ADAMTSL1: variants seen among roughly 807,000 people sequenced by gnomAD.
The protein encoded by ADAMTSL1 is ADAMTS-like protein 1.
In ADAMTSL1, 126 loss-of-function variants were observed where a neutral mutation model predicts 201.8. The observed-to-expected ratio is 0.62, with a 90% confidence interval of 0.54 to 0.72. ADAMTSL1 has a LOEUF of 0.72. ADAMTSL1 is among the 30% of genes least tolerant of loss of function. The pLI is 0.00. For missense variants in ADAMTSL1, 2,679 were observed against 2,277.8 expected, an observed-to-expected ratio of 1.18 and a Z score of -3.59; for synonymous variants, 1,121 against 903.4, an observed-to-expected ratio of 1.24 and a Z score of -4.32.
chr9:18,157,392 C>G (rs1827202069), intron 1 of ADAMTSL1, among the ~76,000 whole-genome samples: 1 of 151,812 alleles, frequency 6.6e-6, no homozygotes, highest in South Asian at 2.1e-4. Context: ...AGTAGGTATG[C>G]CTTTAAACAT....
At chr9:18,675,202 T>C (rs144165660) in intron 9 of ADAMTSL1, among the ~76,000 whole-genome samples, 1 of 152,310 alleles carries the variant, frequency 6.6e-6, no homozygotes, top group African/African-American at 2.4e-5. Context: ...AAACCCACTT[T>C]TCATAATATC....
intron 1 of ADAMTSL1, among the ~76,000 whole-genome samples, chr9:17,958,929 G>T (rs1588478064): frequency 6.6e-6 from 1 of 152,140 alleles, no homozygotes; most frequent in African/African-American, 2.4e-5. Context: ...CTTAAATCAA[G>T]ACCCTGTAAG....
chr9:18,182,188 A>G (rs1274512823), intron 2 of ADAMTSL1, among the ~76,000 whole-genome samples: 8 of 151,872 alleles, frequency 5.3e-5, no homozygotes, highest in East Asian at 2.0e-4. Flanking sequence ...ACGTAATGCT[A>G]GATGACGAGT....
intron 4 of ADAMTSL1, among the ~76,000 whole-genome samples, chr9:18,581,254 C>T (rs902911013): frequency 1.3e-5 from 2 of 152,146 alleles, no homozygotes; most frequent in Non-Finnish European, 2.9e-5. Context: ...TTCACCTCTT[C>T]TTATAAGGAC....
At chr9:18,281,074 C>A (rs1024582464) in intron 2 of ADAMTSL1, among the ~76,000 whole-genome samples, 5 of 152,048 alleles carry the variant, frequency 3.3e-5, no homozygotes, top group African/African-American at 1.2e-4. Flanking sequence ...GACAGGTGTT[C>A]TGTGTGGGAG....
intron 2 of ADAMTSL1, among the ~76,000 whole-genome samples, chr9:18,195,008 A>AAGAATGC: frequency 6.6e-6 from 1 of 152,254 alleles, no homozygotes; most frequent in East Asian, 1.9e-4. Flanking sequence ...AAAGACTAGT[A>AAGAATGC]ATCAGTCCTT....
chr9:18,543,664 T>A (rs1204030240), intron 3 of ADAMTSL1, among the ~76,000 whole-genome samples: 4 of 152,196 alleles, frequency 2.6e-5, no homozygotes, highest in African/African-American at 7.2e-5. Flanking sequence ...CCTCATATTT[T>A]ATGACTAACT....
rs1827570369 is a variant in ADAMTSL1, at chr9:18,866,883, T to C, written c.4250-20948T>C. 2.6e-5 allele frequency among the ~76,000 whole-genome samples: 4 copies of C among 152,210 alleles called. No homozygotes were observed. In the South Asian group the frequency reaches 8.3e-4, roughly 32 times the overall value. On this transcript the variant is annotated intron_variant, in intron 23 of 28. Transcript: ENST00000380548. Reference sequence around the variant, plus strand: ...TAATCTCCTCTTGCTCTGACATCTCTGGAGTGTTGCCCTTATCCACCTAGG... The same window carrying C: ...TAATCTCCTCTTGCTCTGACATCTCCGGAGTGTTGCCCTTATCCACCTAGG...
chr9:18,470,780 A>G (rs1264959886), upstream of ADAMTSL1, among the ~76,000 whole-genome samples: 3 of 152,196 alleles, frequency 2.0e-5, no homozygotes, highest in African/African-American at 7.2e-5. Context: ...GTGTCTTTTC[A>G]ATTAAGTATT....
intron 2 of ADAMTSL1, among the ~76,000 whole-genome samples, chr9:18,419,687 G>A (rs1470432859): frequency 6.6e-6 from 1 of 150,416 alleles, no homozygotes; most frequent in Non-Finnish European, 1.5e-5. Flanking sequence ...AGTGAAAGAA[G>A]TCAATGTCAA....
chr9:18,070,797 T>C (rs1486125831), intron 1 of ADAMTSL1, among the ~76,000 whole-genome samples: 1 of 152,094 alleles, frequency 6.6e-6, no homozygotes, highest in Non-Finnish European at 1.5e-5. Flanking sequence ...GTGGAGATGA[T>C]GCAGGATGGG....
intron 9 of ADAMTSL1, among the ~76,000 whole-genome samples, chr9:18,666,554 C>A (rs73644652): frequency 0.023 from 3,539 of 152,202 alleles, 122 homozygotes; most frequent in African/African-American, 0.08. Flanking sequence ...GTATGCTTTC[C>A]CATGTGACTA....
chr9:18,537,635 G>T (rs758166147), intron 3 of ADAMTSL1, among the ~76,000 whole-genome samples: 37 of 152,206 alleles, frequency 2.4e-4, no homozygotes, highest in Non-Finnish European at 4.4e-4. Context: ...TTTGGGGGTG[G>T]AGGGGTGAGG....
intron 1 of ADAMTSL1, among the ~76,000 whole-genome samples, chr9:17,982,416 C>T (rs1017011879): frequency 3.3e-5 from 5 of 152,068 alleles, no homozygotes; most frequent in Non-Finnish European, 7.4e-5. Context: ...AGTTCGAGAC[C>T]AGGCTGGCCA....
intron 2 of ADAMTSL1, among the ~76,000 whole-genome samples, chr9:18,169,194 C>T (rs1265222219): frequency 6.6e-6 from 1 of 151,756 alleles, no homozygotes; most frequent in Non-Finnish European, 1.5e-5. Context: ...GTATGAAGTC[C>T]TTGCCCATGC....
intron 2 of ADAMTSL1, among the ~76,000 whole-genome samples, chr9:18,269,201 C>T (rs1656184070): frequency 6.6e-6 from 1 of 152,084 alleles, no homozygotes; most frequent in Non-Finnish European, 1.5e-5. Context: ...TTTGTAGACT[C>T]TTGCTTCATA....
At chr9:18,441,734 G>C (rs889491148) in intron 2 of ADAMTSL1, among the ~76,000 whole-genome samples, 16 of 151,990 alleles carry the variant, frequency 1.1e-4, no homozygotes, top group Non-Finnish European at 2.2e-4. Flanking sequence ...TTAAATATGT[G>C]TGTCCCAGGA....
At chr9:18,430,560 T>C (rs1424898166) in intron 2 of ADAMTSL1, among the ~76,000 whole-genome samples, 2 of 152,174 alleles carry the variant, frequency 1.3e-5, no homozygotes, top group Non-Finnish European at 2.9e-5. Flanking sequence ...ATTTTGTGCA[T>C]TTAAAAGGGT....
At chr9:18,405,359 T>C (rs900215837) in intron 2 of ADAMTSL1, among the ~76,000 whole-genome samples, 2 of 152,012 alleles carry the variant, frequency 1.3e-5, no homozygotes, top group South Asian at 2.1e-4. Flanking sequence ...GACCATGAGG[T>C]TGGTGAGAGG....
Sources: allele counts gnomAD v4.1 joint callset (sites outside exome capture counted in the v4.1 genomes callset), GRCh38; gene constraint gnomAD v4.1.1; transcripts MANE v1.5; gene names NCBI Gene and HGNC (gene_info 2026-07-23, HGNC 2026-07-21).